Variants in LBH observed in about 807,000 individuals in gnomAD.
The protein encoded by LBH is LBH regulator of Wnt signaling pathway.
LBH carries 7 observed loss-of-function variants against 12.5 expected under a neutral mutation model. That is an observed-to-expected ratio of 0.56 (90% CI 0.32 to 1.05). The LOEUF is 1.05. Among genes scored for constraint, LBH ranks in the 50% least tolerant of loss-of-function variants. The pLI, the probability that LBH is intolerant of heterozygous loss-of-function variation, is 0.04. For synonymous variants in LBH, 51 were observed against 50.1 expected (o/e 1.02, Z -0.08); for missense variants, 119 against 138.9 (o/e 0.86, Z 0.72).
chr2:30,257,630 T>C lies in LBH; in HGVS notation c.*9T>C, dbSNP rs1416109949. On this transcript the variant is annotated 3_prime_UTR_variant, in exon 3 of 3. Transcript: ENST00000395323. Reference sequence around the variant, plus strand: ...AAAATAAAGAGCAGTAGAGTCCCTGTGGACTCCCATGGGTCATACCAGCCA... The same window carrying C: ...AAAATAAAGAGCAGTAGAGTCCCTGCGGACTCCCATGGGTCATACCAGCCA... The C allele has an allele frequency of 6.3e-7, 1 of 1,587,052 alleles. No homozygotes were observed. The highest frequency in any genetic ancestry group is 8.6e-7 in the Non-Finnish European group (1 of 1,162,160).
chr2:30,243,936 G>A (rs4384829), intron 2 of LBH, among the ~76,000 whole-genome samples: 75,562 of 152,002 alleles, frequency 0.5, 19,417 homozygotes, highest in Admixed American at 0.61. Flanking sequence ...TTTGCAACAC[G>A]TAGACAGCCC....
At chr2:30,232,026 C>CG (rs1677595231) in intron 1 of LBH, 2 of 1,269,726 alleles carry the variant, frequency 1.6e-6, no homozygotes, top group East Asian at 5.3e-5. Context: ...TATTGGTTGG[C>CG]GGGGGAGCCA....
intron 2 of LBH, among the ~76,000 whole-genome samples, chr2:30,245,960 CTTTT>C (rs11345537): frequency 1.4e-5 from 2 of 140,048 alleles, no homozygotes; most frequent in Non-Finnish European, 3.1e-5. Context: ...CTTACATAGT[CTTTT>C]TTTTTTTTTT....
chr2:30,231,817 C>G, intron 1 of LBH, 53 bp downstream of exon 1: 2 of 1,503,318 alleles, frequency 1.3e-6, no homozygotes, highest in Non-Finnish European at 1.8e-6. Context: ...TGGCTGCGGG[C>G]CCGGGCGCCT....
chr2:30,252,395 G>T (rs1430320770), intron 2 of LBH, among the ~76,000 whole-genome samples: 1 of 152,206 alleles, frequency 6.6e-6, no homozygotes, highest in Non-Finnish European at 1.5e-5. Context: ...AGGTGCAGTG[G>T]CTCATGCCTG....
Position 30,239,666 on chromosome 2 carries a change from C to T in LBH, c.129+5159C>T, listed in dbSNP as rs1019588239. Among the ~76,000 whole-genome samples, 8 of 152,216 alleles carry T rather than the reference C, an allele frequency of 5.3e-5. No individual in the cohort carries two copies. The East Asian group carries it at 1.4e-3, about 26-fold the overall frequency. On this transcript the variant is annotated intron_variant, in intron 2 of 2. Transcript: ENST00000395323. ...TTCTCCTATCCCTACTCCCCCCACC[C>T]GCCTCTCTCCTTGACAAAAATCACA...
At chr2:30,238,302 C>T (rs1442966417) in intron 2 of LBH, among the ~76,000 whole-genome samples, 2 of 152,340 alleles carry the variant, frequency 1.3e-5, no homozygotes, top group East Asian at 3.9e-4. Context: ...CAGCTAAGGT[C>T]CAGATACAGA....
chr2:30,232,136 G>A (rs746958308), intron 1 of LBH: 3 of 1,537,700 alleles, frequency 2.0e-6, no homozygotes, highest in South Asian at 1.2e-5. Flanking sequence ...CTCTTCCCGG[G>A]CCCCTCCTCT....
At position 30,257,746 on chromosome 2, in the gene LBH, T is replaced by G. The variant is rs972166059; in HGVS notation, c.*125T>G. 1.6e-5 allele frequency: 11 copies of G among 677,554 alleles called. No individual in the cohort carries two copies. The African/African-American group carries it at 2.1e-4, about 13-fold the overall frequency. 42.0% of individuals were successfully genotyped at this position (677,554 alleles called of 1,614,324 possible). A position where few individuals can be genotyped will look rare whatever the true frequency, so the allele number is the denominator to read the frequency against. ...GAAAATGTCAAACGAGGCTTCTGTT[T>G]TGCACCTGCAGATCACCGAGTTGGT... On this transcript the variant is annotated 3_prime_UTR_variant, in exon 3 of 3. Coordinates refer to ENST00000395323, the MANE Select transcript of LBH (RefSeq NM_030915.4).
At chr2:30,236,835 G>A (rs1013296464) in intron 2 of LBH, among the ~76,000 whole-genome samples, 5 of 152,214 alleles carry the variant, frequency 3.3e-5, no homozygotes, top group Non-Finnish European at 7.3e-5. Context: ...GGCAGACTGG[G>A]GCTGGGCTCT....
At position 30,259,961 on chromosome 2, in the gene LBH, AT is replaced by A. The variant is rs71749256; in HGVS notation, c.*2351del. 0.21 allele frequency: 31,374 copies of A among 149,300 alleles called. 3,617 individuals carry two copies. Among genetic ancestry groups the A allele is most frequent in the African/African-American group, 0.29 (11,808 of 40,700 alleles). 9.2% of individuals were successfully genotyped at this position (149,300 alleles called of 1,614,324 possible). ...TTTTGAGGCTCAGGGAGAAACTAGCATTTTTTTTTTTCCAAACTACTTTTTG... is the reference window on the plus strand; with the variant it reads ...TTTTGAGGCTCAGGGAGAAACTAGCATTTTTTTTTTCCAAACTACTTTTTG... On this transcript the variant is annotated 3_prime_UTR_variant, in exon 3 of 3. Coordinates refer to ENST00000395323, the MANE Select transcript of LBH (RefSeq NM_030915.4).
Position 30,258,209 on chromosome 2 carries a change from A to C in LBH, c.*588A>C, listed in dbSNP as rs568961083. On this transcript the variant is annotated 3_prime_UTR_variant, in exon 3 of 3. Transcript: ENST00000395323. ...GCTTTCATTTCAGGTGTGTTGGTCT[A>C]TATGACAGGGAGGAGAGTAAAGGAG... The C allele has an allele frequency of 1.7e-4, 26 of 153,386 alleles. No homozygotes were observed. Among genetic ancestry groups the C allele is most frequent in the African/African-American group, 5.8e-4 (24 of 41,558 alleles). The allele number at this position is 153,386 out of a possible 1,614,324, so 9.5% of individuals were successfully genotyped here.
At chr2:30,250,074 A>G (rs1194736437) in intron 2 of LBH, among the ~76,000 whole-genome samples, 1 of 152,164 alleles carries the variant, frequency 6.6e-6, no homozygotes, top group East Asian at 1.9e-4. Context: ...TCATAGCGAT[A>G]ATAAAAGATG....
chr2:30,232,120 C>T, intron 1 of LBH: 3 of 1,544,930 alleles, frequency 1.9e-6, no homozygotes, highest in Non-Finnish European at 1.7e-6. Context: ...CGCAGGGGGG[C>T]TCCTGCTCTT....
chr2:30,241,149 A>C (rs1217107984), intron 2 of LBH, among the ~76,000 whole-genome samples: 1 of 152,230 alleles, frequency 6.6e-6, no homozygotes, highest in Non-Finnish European at 1.5e-5. Context: ...GTAGCCCTGC[A>C]TACAAGCCCT....
chr2:30,251,129 A>C (rs1243756233), intron 2 of LBH, among the ~76,000 whole-genome samples: 1 of 137,382 alleles, frequency 7.3e-6, no homozygotes, highest in Non-Finnish European at 1.5e-5. Flanking sequence ...ATCTCTGCTC[A>C]TTGCAGCCTT....
At chr2:30,256,272 A>C (rs1678083918) in intron 2 of LBH, among the ~76,000 whole-genome samples, 1 of 152,174 alleles carries the variant, frequency 6.6e-6, no homozygotes, top group African/African-American at 2.4e-5. Context: ...GGCATTAAAA[A>C]ACAAAGCCTG....
At position 30,259,133 on chromosome 2, in the gene LBH, T is replaced by A. The variant is rs1213347236; in HGVS notation, c.*1512T>A. On this transcript the variant is annotated 3_prime_UTR_variant, in exon 3 of 3. Transcript: ENST00000395323. The stretch of plus-strand genomic sequence containing the variant: ...TCGGCCAACCAAGGCACGCAGCATG[T>A]CCCCTCAGGTCTCCAGTCAGTCCAG... The A allele has an allele frequency of 6.5e-6, 1 of 152,754 alleles. No homozygotes were observed. Among genetic ancestry groups the A allele is most frequent in the Non-Finnish European group, 1.5e-5 (1 of 68,158 alleles). 9.5% of individuals were successfully genotyped at this position (152,754 alleles called of 1,614,324 possible). A position where few individuals can be genotyped will look rare whatever the true frequency, so the allele number is the denominator to read the frequency against.
intron 2 of LBH, among the ~76,000 whole-genome samples, chr2:30,236,928 T>G (rs1677697778): frequency 7.9e-6 from 1 of 127,170 alleles, no homozygotes; most frequent in Non-Finnish European, 1.9e-5. Flanking sequence ...GGCTTGCCCC[T>G]GTTTATGCCA....
Sources: gnomAD v4.1 joint callset for allele counts (sites outside exome capture counted in the v4.1 genomes callset) on GRCh38, gnomAD v4.1.1 for gene constraint, MANE v1.5 for transcripts, NCBI Gene and HGNC (gene_info 2026-07-23, HGNC 2026-07-21) for gene names.